Variants in BTBD9 observed in about 807,000 individuals in gnomAD.
BTBD9 encodes BTB domain containing 9.
Under a neutral mutation model 64.3 loss-of-function variants are expected in BTBD9, and 49 were observed. The ratio of observed to expected loss-of-function variants is 0.76; its 90% CI spans 0.61 to 0.97. The LOEUF is 0.97. BTBD9 is among the 50% of genes least tolerant of loss of function. The pLI is 0.00. For missense variants in BTBD9, 598 were observed against 762.1 expected, an observed-to-expected ratio of 0.78 and a Z score of 2.53; for synonymous variants, 260 against 274.7, an observed-to-expected ratio of 0.95 and a Z score of 0.53.
chr6:38,630,801 A>C (rs1778336215), intron 1 of BTBD9, among the ~76,000 whole-genome samples: 1 of 152,208 alleles, frequency 6.6e-6, no homozygotes, highest in African/African-American at 2.4e-5. Flanking sequence ...CCTTCTAAAG[A>C]ATGAGACTTG....
At chr6:38,501,433 A>T (rs988309509) in intron 6 of BTBD9, among the ~76,000 whole-genome samples, 1 of 152,222 alleles carries the variant, frequency 6.6e-6, no homozygotes, top group South Asian at 2.1e-4. Flanking sequence ...CTCAACCTGT[A>T]TCTTCAGTGC....
rs372126082 is a variant in BTBD9 at position 38,245,709 on chromosome 6, G to A, written c.1562+10700C>T. On this transcript the variant is annotated intron_variant, in intron 9 of 10. Transcript: ENST00000481247. ...CATGGGAGGGCACAGAGGGAATGTG[G>A]GGGGGTCAGTCAGTAGAGTGGAGTG... Among the ~76,000 whole-genome samples the A allele has an allele frequency of 1.9e-3, 295 of 152,250 alleles. 3 individuals carry two copies. The highest frequency in any genetic ancestry group is 6.7e-3 in the African/African-American group (279 of 41,522).
chr6:38,452,804 G>A (rs1371473643), intron 6 of BTBD9, among the ~76,000 whole-genome samples: 1 of 152,010 alleles, frequency 6.6e-6, no homozygotes, highest in Non-Finnish European at 1.5e-5. Context: ...CTTAGATGTA[G>A]GAAGGTGATC....
At chr6:38,558,274 T>C (rs1016205850) in intron 6 of BTBD9, among the ~76,000 whole-genome samples, 10 of 150,764 alleles carry the variant, frequency 6.6e-5, no homozygotes, top group African/African-American at 2.2e-4. Flanking sequence ...AAAAAAAATC[T>C]ATCAGGTCTA....
chr6:38,210,288 T>A (rs1187424731), intron 9 of BTBD9, among the ~76,000 whole-genome samples: 1 of 149,360 alleles, frequency 6.7e-6, no homozygotes, highest in East Asian at 1.9e-4. Flanking sequence ...ATAATTTAGA[T>A]AATTATCTCT....
At position 38,171,860 on chromosome 6, in the gene BTBD9, AAAAAAAAAAAAAAAAAAAAAAAT is replaced by A. The variant is rs1373255852; in HGVS notation, c.*3102_*3124del. 8.4e-5 allele frequency: 5 copies of A among 59,374 alleles called. No individual in the cohort carries two copies. Among genetic ancestry groups the A allele is most frequent in the Non-Finnish European group, 2.1e-4 (5 of 23,680 alleles). The allele number at this position is 59,374 out of a possible 1,614,324, so 3.7% of individuals were successfully genotyped here. ...CTTTCTACTCTCAAAAAAAAAAAAAAAAAAAAAAAAAAAAAAAAAAAATAATAATAATAATAATAATAATAATA... is the reference window on the plus strand; with the variant it reads ...CTTTCTACTCTCAAAAAAAAAAAAAAAATAATAATAATAATAATAATAATA... On this transcript the variant is annotated 3_prime_UTR_variant, in exon 11 of 11. Coordinates refer to ENST00000481247, the MANE Select transcript of BTBD9 (RefSeq NM_001099272.2).
intron 6 of BTBD9, among the ~76,000 whole-genome samples, chr6:38,368,319 C>T (rs1295965831): frequency 6.6e-6 from 1 of 152,128 alleles, no homozygotes; most frequent in Non-Finnish European, 1.5e-5. Context: ...ATGCGCTATA[C>T]TAGAGCTCCT....
chr6:38,439,269 G>GT (rs1768910621), intron 6 of BTBD9, among the ~76,000 whole-genome samples: 1 of 147,892 alleles, frequency 6.8e-6, no homozygotes, highest in Non-Finnish European at 1.5e-5. Flanking sequence ...GATTACAGGC[G>GT]TGTACCACCA....
At chr6:38,512,994 T>C (rs1235571885) in intron 6 of BTBD9, among the ~76,000 whole-genome samples, 1 of 152,212 alleles carries the variant, frequency 6.6e-6, no homozygotes. Context: ...ACAGAGGTTC[T>C]TAAATGGGTT....
chr6:38,553,962 A>C (rs1774916600), intron 6 of BTBD9, among the ~76,000 whole-genome samples: 1 of 152,214 alleles, frequency 6.6e-6, no homozygotes, highest in South Asian at 2.1e-4. Flanking sequence ...AAAGACATTA[A>C]ACAAAACACA....
intron 6 of BTBD9, among the ~76,000 whole-genome samples, chr6:38,374,961 T>A (rs1174616816): frequency 6.6e-6 from 1 of 152,190 alleles, no homozygotes. Context: ...ACTCTGGAGA[T>A]TTGAGGGAGG....
intron 9 of BTBD9, among the ~76,000 whole-genome samples, chr6:38,248,845 A>G (rs1290338447): frequency 2.6e-5 from 4 of 152,254 alleles, no homozygotes; most frequent in South Asian, 2.1e-4. Flanking sequence ...GTGAATTTCG[A>G]GAAAATGATA....
At position 38,249,936 on chromosome 6, in the gene BTBD9, C is replaced by T. The variant is rs146100671; in HGVS notation, c.1562+6473G>A. ...GAATTACAAGGAATAAGCCCAATTA[C>T]AAAAGTCTCTGCACTCAGGGAAGCA... On this transcript the variant is annotated intron_variant, in intron 9 of 10. Coordinates refer to ENST00000481247, the MANE Select transcript of BTBD9 (RefSeq NM_001099272.2). Among the ~76,000 whole-genome samples, 52 of 152,262 alleles carry T rather than the reference C, an allele frequency of 3.4e-4. No individual in the cohort carries two copies. In the East Asian group the frequency reaches 9.6e-3, roughly 28 times the overall value.
intron 1 of BTBD9, among the ~76,000 whole-genome samples, chr6:38,613,933 T>A (rs1582719069): frequency 6.6e-6 from 1 of 152,264 alleles, no homozygotes; most frequent in South Asian, 2.1e-4. Flanking sequence ...TCTCTTCCTC[T>A]CCTTCCAAAC....
intron 6 of BTBD9, among the ~76,000 whole-genome samples, chr6:38,534,512 C>T (rs1773936006): frequency 6.6e-6 from 1 of 150,426 alleles, no homozygotes; most frequent in Non-Finnish European, 1.5e-5. Flanking sequence ...GGGAATACTT[C>T]CAAACTCATT....
chr6:38,307,630 A>G (rs984334823), intron 7 of BTBD9, among the ~76,000 whole-genome samples: 2 of 151,892 alleles, frequency 1.3e-5, no homozygotes, highest in Admixed American at 6.6e-5. Flanking sequence ...TTTCTTTGCT[A>G]TTTTGTCTGT....
intron 9 of BTBD9, among the ~76,000 whole-genome samples, chr6:38,252,453 G>T (rs867659935): frequency 2.0e-5 from 3 of 152,260 alleles, no homozygotes; most frequent in Non-Finnish European, 1.5e-5. Flanking sequence ...ATACATTCAA[G>T]TTACGCCTAT....
At chr6:38,412,519 A>G (rs1041928953) in intron 6 of BTBD9, among the ~76,000 whole-genome samples, 15 of 152,018 alleles carry the variant, frequency 9.9e-5, no homozygotes, top group Admixed American at 2.6e-4. Flanking sequence ...CGACTATGTA[A>G]CAGTGTACAA....
intron 6 of BTBD9, among the ~76,000 whole-genome samples, chr6:38,548,220 T>C (rs1774642451): frequency 1.3e-5 from 2 of 152,236 alleles, no homozygotes. Context: ...ATAGGATTAC[T>C]TCAATTTCAC....
Sources: gnomAD v4.1 joint callset for allele counts (sites outside exome capture counted in the v4.1 genomes callset) on GRCh38, gnomAD v4.1.1 for gene constraint, MANE v1.5 for transcripts, NCBI Gene and HGNC (gene_info 2026-07-23, HGNC 2026-07-21) for gene names.